The following PRKN variants were observed in gnomAD, a reference collection of about 807,000 sequenced individuals.
The protein encoded by PRKN is E3 ubiquitin-protein ligase parkin.
In PRKN, 56 loss-of-function variants were observed where a neutral mutation model predicts 59.5. The observed-to-expected ratio is 0.94, with a 90% CI of 0.76 to 1.18. PRKN has a LOEUF of 1.18. PRKN is among the 50% of genes most tolerant of loss of function. PRKN has a pLI of 0.00. For missense variants in PRKN, 657 were observed against 596.4 expected, an observed-to-expected ratio of 1.10 and a Z score of -1.06; for synonymous variants, 250 against 222.1, an observed-to-expected ratio of 1.13 and a Z score of -1.12.
chr6:162,450,381 C>CA (rs375003698), intron 1 of PRKN, among the ~76,000 whole-genome samples: 13 of 96,560 alleles, frequency 1.3e-4, no homozygotes, highest in Admixed American at 4.1e-4. Context: ...TGATTGTAAT[C>CA]CCCCTGTGAA....
chr6:161,929,476 T>C (rs929046366), intron 6 of PRKN, among the ~76,000 whole-genome samples: 4 of 151,976 alleles, frequency 2.6e-5, no homozygotes, highest in Non-Finnish European at 5.9e-5. Context: ...TGCTACTGGA[T>C]TGTTAATTCT....
At chr6:162,418,038 A>AT (rs1788735015) in intron 2 of PRKN, among the ~76,000 whole-genome samples, 3 of 152,320 alleles carry the variant, frequency 2.0e-5, no homozygotes, top group African/African-American at 7.2e-5. Flanking sequence ...ACATAGGCCT[A>AT]TACAAAAGCC....
chr6:162,511,890 G>A (rs545292658), intron 1 of PRKN, among the ~76,000 whole-genome samples: 60 of 152,218 alleles, frequency 3.9e-4, no homozygotes, highest in Non-Finnish European at 7.8e-4. Flanking sequence ...TAAAAGTAAT[G>A]GAGATTACAC....
At chr6:161,439,958 G>T (rs1297478487) in intron 9 of PRKN, among the ~76,000 whole-genome samples, 13 of 144,534 alleles carry the variant, frequency 9.0e-5, no homozygotes, top group East Asian at 2.0e-4. Context: ...TTTGTTTTTT[G>T]TTTTTTTTTT....
At chr6:162,330,760 T>C (rs1182999018) in intron 2 of PRKN, among the ~76,000 whole-genome samples, 2 of 152,206 alleles carry the variant, frequency 1.3e-5, no homozygotes, top group East Asian at 3.9e-4. Flanking sequence ...TATGAAAGGC[T>C]ATGAAGAAGG....
intron 1 of PRKN, among the ~76,000 whole-genome samples, chr6:162,451,367 T>TAAAA (rs140082933): frequency 0.03 from 3,094 of 104,590 alleles, 57 homozygotes; most frequent in Middle Eastern, 0.054. Context: ...CTTAAAGGAG[T>TAAAA]AAAAAAAAAA....
rs1789296766 is a variant in PRKN, at chr6:161,442,732, G to A, written c.1084-55855C>T. Among the ~76,000 whole-genome samples the A allele has an allele frequency of 6.6e-6, 1 of 152,226 alleles. No homozygotes were observed. Among genetic ancestry groups the A allele is most frequent in the Non-Finnish European group, 1.5e-5 (1 of 68,040 alleles). On this transcript the variant is annotated intron_variant, in intron 9 of 11. Transcript: ENST00000366898. This position sits in a 1 kb window ranked among gnomAD's most constrained non-coding sequence, Gnocchi z 4.6. ...CCAACACCCATGAATGCTTTTCAAC[G>A]AAGTTGCTAGAATGCAGCCGTGGAG...
intron 6 of PRKN, among the ~76,000 whole-genome samples, chr6:161,862,289 G>T (rs1793934177): frequency 6.6e-6 from 1 of 152,108 alleles, no homozygotes; most frequent in African/African-American, 2.4e-5. Flanking sequence ...AAGTCTCCTA[G>T]CCTTTTTTGA....
chr6:161,641,599 T>C (rs1210570339), intron 7 of PRKN, among the ~76,000 whole-genome samples: 2 of 152,228 alleles, frequency 1.3e-5, no homozygotes, highest in Non-Finnish European at 2.9e-5. Context: ...CAGCCAGATC[T>C]GTGTGAATGA....
At chr6:161,778,034 G>C (rs1325047660) in intron 7 of PRKN, among the ~76,000 whole-genome samples, 1 of 151,664 alleles carries the variant, frequency 6.6e-6, no homozygotes, top group African/African-American at 2.4e-5. Flanking sequence ...ACTAAATAAT[G>C]AATTTGGGGG....
intron 4 of PRKN, among the ~76,000 whole-genome samples, chr6:162,057,221 C>T (rs1220286134): frequency 1.3e-5 from 2 of 152,098 alleles, no homozygotes; most frequent in African/African-American, 4.8e-5. Context: ...ACTGTGTTCA[C>T]GATAATGGAA....
intron 2 of PRKN, among the ~76,000 whole-genome samples, chr6:162,279,031 C>T (rs7764592): frequency 0.19 from 28,647 of 151,964 alleles, 3,790 homozygotes; most frequent in East Asian, 0.53. Context: ...AAAGTAACCA[C>T]TGAAAATCAG....
intron 3 of PRKN, among the ~76,000 whole-genome samples, chr6:162,234,703 C>A (rs1778572753): frequency 6.6e-6 from 1 of 152,134 alleles, no homozygotes; most frequent in Non-Finnish European, 1.5e-5. Context: ...TTTTTTACTG[C>A]TTTTCCACCA....
intron 1 of PRKN, among the ~76,000 whole-genome samples, chr6:162,700,463 C>T (rs1284738719): frequency 1.3e-5 from 2 of 152,148 alleles, no homozygotes; most frequent in African/African-American, 4.8e-5. Flanking sequence ...AACACAAACA[C>T]TTCAACATTC....
At chr6:161,619,262 G>A (rs1222404442) in intron 7 of PRKN, among the ~76,000 whole-genome samples, 1 of 135,798 alleles carries the variant, frequency 7.4e-6, no homozygotes, top group African/African-American at 2.7e-5. Context: ...AAAAAAAAGA[G>A]TGACGCAATC....
chr6:162,187,478 C>G lies in PRKN; in HGVS notation c.534+13653G>C, dbSNP rs1446470419. On this transcript the variant is annotated intron_variant, in intron 4 of 11. Transcript: ENST00000366898. ...AACAGAAGAGAGCAAAATGGCAGTGCAGGGGAGCAAGTTCAAGGTGGGGAA... is the reference window on the plus strand; with the variant it reads ...AACAGAAGAGAGCAAAATGGCAGTGGAGGGGAGCAAGTTCAAGGTGGGGAA... 5.3e-5 allele frequency among the ~76,000 whole-genome samples: 8 copies of G among 152,084 alleles called. 1 individual carries two copies. Among genetic ancestry groups the G allele is most frequent in the African/African-American group, 9.7e-5 (4 of 41,418 alleles).
At chr6:162,712,337 C>T (rs1162705865) in intron 1 of PRKN, among the ~76,000 whole-genome samples, 1 of 152,090 alleles carries the variant, frequency 6.6e-6, no homozygotes, top group African/African-American at 2.4e-5. Flanking sequence ...CATCTGATAA[C>T]CTTAAATAAT....
intron 6 of PRKN, among the ~76,000 whole-genome samples, chr6:161,971,462 C>T (rs1176221386): frequency 6.6e-6 from 1 of 152,198 alleles, no homozygotes; most frequent in Non-Finnish European, 1.5e-5. Context: ...CTGCTATCAG[C>T]GCAGTCAAGC....
intron 7 of PRKN, among the ~76,000 whole-genome samples, chr6:161,573,797 A>T (rs1977115): frequency 0.016 from 1,078 of 67,592 alleles, 48 homozygotes; most frequent in Middle Eastern, 0.039. Context: ...TATATATATA[A>T]AACTTCATTC....
Sources: allele counts gnomAD v4.1 joint callset (sites outside exome capture counted in the v4.1 genomes callset), GRCh38; gene constraint gnomAD v4.1.1; non-coding constraint Gnocchi (gnomAD v3.1); transcripts MANE v1.5; gene names NCBI Gene and HGNC (gene_info 2026-07-23, HGNC 2026-07-21).